HFM1: variants seen among roughly 807,000 people sequenced by gnomAD.
HFM1 encodes the protein probable ATP-dependent DNA helicase HFM1.
A neutral mutation model predicts 192.1 loss-of-function variants in HFM1; 169 were observed. That is an observed-to-expected ratio of 0.88 (90% CI 0.78 to 1.00). HFM1 has a LOEUF of 1.00. Among genes scored for constraint, HFM1 ranks in the 50% least tolerant of loss-of-function variants. HFM1 has a pLI of 0.00. For missense variants in HFM1, 1,661 were observed against 1,668.0 expected (o/e 1.00, Z 0.07); for synonymous variants, 525 against 537.8 (o/e 0.98, Z 0.33).
upstream of HFM1, among the ~76,000 whole-genome samples, chr1:91,407,173 C>A (rs1429955448): frequency 6.6e-6 from 1 of 151,844 alleles, no homozygotes; most frequent in Non-Finnish European, 1.5e-5. Flanking sequence ...TGTGCCCATT[C>A]AGGGAGGGGA....
chr1:91,295,838 A>G (rs1389407618), intron 30 of HFM1, among the ~76,000 whole-genome samples: 1 of 152,112 alleles, frequency 6.6e-6, no homozygotes, highest in Non-Finnish European at 1.5e-5. Flanking sequence ...TTTCTCCTCT[A>G]AAAGTTTTAT....
intron 13 of HFM1, among the ~76,000 whole-genome samples, chr1:91,359,815 A>AATC (rs1658263383): frequency 6.6e-6 from 1 of 152,162 alleles, no homozygotes; most frequent in Non-Finnish European, 1.5e-5. Flanking sequence ...GAAAAGACAT[A>AATC]ATCATCAGAT....
chr1:91,264,361 A>ATTTTTTTTTTTTTTTTTTTTTTT lies in HFM1; in HGVS notation c.3974+1633_3974+1655dup, dbSNP rs71087940. Among the ~76,000 whole-genome samples the ATTTTTTTTTTTTTTTTTTTTTTT allele has an allele frequency of 3.2e-3, 185 of 57,086 alleles. 35 individuals carry two copies. The highest frequency in any genetic ancestry group is 3.9e-3 in the Non-Finnish European group (127 of 32,974). 37.5% of individuals were successfully genotyped at this position (57,086 alleles called of 152,430 possible). A position where few individuals can be genotyped will look rare whatever the true frequency, so the allele number is the denominator to read the frequency against. ...TTCCAAGGGATACCACAAATTTAGT[A>ATTTTTTTTTTTTTTTTTTTTTTT]TTTTTTTTTTTTTTTTTTTTTTTTT... On this transcript the variant is annotated intron_variant, in intron 36 of 38. Transcript: ENST00000370425.
At position 91,379,713 on chromosome 1, in the gene HFM1, C is replaced by T. The variant is rs148041457; in HGVS notation, c.1006+391G>A. Among the ~76,000 whole-genome samples the T allele has an allele frequency of 4.6e-5, 7 of 152,186 alleles. No homozygotes were observed. In the East Asian group the frequency reaches 1.4e-3, roughly 29 times the overall value. ...GGTAGGGCAGAAGATTATTGCTTTT[C>T]ACTATAAGGCCTTTACTGATATTTG... On this transcript the variant is annotated intron_variant, in intron 8 of 38. Transcript: ENST00000370425.
intron 30 of HFM1, among the ~76,000 whole-genome samples, chr1:91,303,688 T>G (rs1279964819): frequency 6.6e-6 from 1 of 152,194 alleles, no homozygotes; most frequent in Non-Finnish European, 1.5e-5. Flanking sequence ...GTCCATCATT[T>G]TGACTAAAGC....
intron 31 of HFM1, 106 bp from the exon 32 acceptor site, chr1:91,276,849 C>A: frequency 2.5e-6 from 2 of 801,750 alleles, no homozygotes; most frequent in Non-Finnish European, 3.9e-6. Context: ...TTTCATGTTG[C>A]CCACAGAGAG....
chr1:91,264,442 G>A (rs1311196986), intron 36 of HFM1, among the ~76,000 whole-genome samples: 1 of 123,152 alleles, frequency 8.1e-6, no homozygotes, highest in East Asian at 2.5e-4. Flanking sequence ...GCGCAATCTC[G>A]GCTCACTGCA....
intron 25 of HFM1, 97 bp from the exon 26 acceptor site, chr1:91,316,573 T>A (rs972657262): frequency 4.8e-4 from 209 of 438,116 alleles, no homozygotes; most frequent in Middle Eastern, 1.3e-3. Flanking sequence ...AAAAAAAAAA[T>A]TTTAAGATCC....
upstream of HFM1, among the ~76,000 whole-genome samples, chr1:91,407,878 A>G (rs1664859257): frequency 6.6e-6 from 1 of 152,216 alleles, no homozygotes; most frequent in South Asian, 2.1e-4. Context: ...ACTTTGTAAC[A>G]TCCACATCTT....
chr1:91,315,686 C>T, intron 28 of HFM1, 129 bp downstream of exon 28: 1 of 607,352 alleles, frequency 1.6e-6, no homozygotes, highest in South Asian at 2.9e-5. Context: ...AGAAACCATC[C>T]CATTATTGTG....
At chr1:91,263,262 C>A (rs988314391) in intron 36 of HFM1, among the ~76,000 whole-genome samples, 4 of 152,124 alleles carry the variant, frequency 2.6e-5, no homozygotes, top group African/African-American at 9.7e-5. Context: ...ATCATCAATG[C>A]ATCTCTGATG....
intron 1 of HFM1, 111 bp from the exon 2 acceptor site, chr1:91,401,220 T>C: frequency 5.2e-6 from 3 of 573,898 alleles, no homozygotes; most frequent in South Asian, 2.3e-5. Context: ...CCACAGACTA[T>C]CCTTCCAGCT....
At chr1:91,386,096 T>G (rs1481574558) in intron 4 of HFM1, among the ~76,000 whole-genome samples, 1 of 152,200 alleles carries the variant, frequency 6.6e-6, no homozygotes, top group Non-Finnish European at 1.5e-5. Context: ...CCTCACCCCT[T>G]TACAGTCTCC....
chr1:91,264,518 G>A (rs1041061934), intron 36 of HFM1, among the ~76,000 whole-genome samples: 6 of 148,174 alleles, frequency 4.0e-5, no homozygotes, highest in Non-Finnish European at 7.4e-5. Flanking sequence ...GACTACAGGC[G>A]CCCGCCATCA....
At chr1:91,304,331 T>C (rs1250671982) in intron 30 of HFM1, among the ~76,000 whole-genome samples, 1 of 152,224 alleles carries the variant, frequency 6.6e-6, no homozygotes, top group Non-Finnish European at 1.5e-5. Context: ...AAAGTTTTCA[T>C]CTTAAGTCCA....
At chr1:91,281,737 C>T (rs1430296178) in intron 30 of HFM1, among the ~76,000 whole-genome samples, 4 of 152,012 alleles carry the variant, frequency 2.6e-5, no homozygotes, top group Admixed American at 6.6e-5. Context: ...TTTATTATTA[C>T]AGTTTTGGAG....
chr1:91,378,209 A>T (rs1661137074), intron 10 of HFM1, 26 bp from the exon 11 acceptor site: 1 of 1,523,040 alleles, frequency 6.6e-7, no homozygotes, highest in African/African-American at 1.4e-5. Flanking sequence ...AGAAAAAATC[A>T]TTAGCTATAG....
chr1:91,270,239 A>C (rs1666154693), intron 34 of HFM1, among the ~76,000 whole-genome samples: 1 of 152,138 alleles, frequency 6.6e-6, no homozygotes, highest in South Asian at 2.1e-4. Context: ...CAGGAGGCAA[A>C]ATAATTAAGA....
chr1:91,278,392 G>A (rs897074096), intron 30 of HFM1, among the ~76,000 whole-genome samples: 3 of 152,244 alleles, frequency 2.0e-5, no homozygotes, highest in African/African-American at 7.2e-5. Flanking sequence ...ACTGGTCCTT[G>A]AAGGACAGAT....
Sources: allele counts gnomAD v4.1 joint callset (sites outside exome capture counted in the v4.1 genomes callset), GRCh38; gene constraint gnomAD v4.1.1; transcripts MANE v1.5; gene names NCBI Gene and HGNC (gene_info 2026-07-23, HGNC 2026-07-21).